ARHGAP5: variants seen among roughly 807,000 people sequenced by gnomAD.
The protein encoded by ARHGAP5 is rho GTPase-activating protein 5.
ARHGAP5 carries 23 observed loss-of-function variants against 116.6 expected under a neutral mutation model. The observed-to-expected ratio is 0.20, with a 90% CI of 0.14 to 0.28. The LOEUF (loss-of-function observed/expected upper bound fraction) is 0.28. Ranked by LOEUF, ARHGAP5 falls within the 10% of genes least tolerant of loss-of-function variation. The probability of loss-of-function intolerance (pLI) is 1.00; values close to 1 mark genes in which losing one functional copy is unlikely to be tolerated. For missense variants in ARHGAP5, 1,405 were observed against 1,774.8 expected, an observed-to-expected ratio of 0.79 and a Z score of 3.74; for synonymous variants, 574 against 602.0, an observed-to-expected ratio of 0.95 and a Z score of 0.68.
rs1347137094 is a variant in ARHGAP5, at chr14:32,092,269, C to A, written c.1600C>A (p.Leu534Ile). The A allele has an allele frequency of 3.7e-6, 6 of 1,613,460 alleles. No homozygotes were observed. In the African/African-American group the frequency reaches 6.7e-5, roughly 18 times the overall value. Residue 534 changes from leucine to isoleucine, a missense_variant, in exon 2 of 7, where the codon CTT becomes ATT. This residue lies in a region of ARHGAP5 where 944 missense variants were observed against 1,095.3 expected (regional missense o/e 0.86). Coordinates refer to ENST00000345122, the MANE Select transcript of ARHGAP5 (RefSeq NM_001030055.2). This position sits in a 1 kb window ranked among gnomAD's most constrained non-coding sequence, Gnocchi z 4.1. ...ACCTAGATATAAAGCTTTACAGAAA[C>A]TTGCACCTGATAGGGAATCCCTTCT... ...EEPRYKALQKLAPDRESLLLK... is the reference protein window; with the variant it reads ...EEPRYKALQKIAPDRESLLLK...
Position 32,091,532 on chromosome 14 carries a change from C to A in ARHGAP5, c.863C>A (p.Ala288Glu). Residue 288 changes from alanine to glutamate, a missense_variant, in exon 2 of 7, where the codon GCA (alanine) becomes GAA (glutamate). Physicochemically the swap from Ala to Glu is moderately radical, Grantham distance 107. Coordinates refer to ENST00000345122, the MANE Select transcript of ARHGAP5 (RefSeq NM_001030055.2). ...KLVQTVRDYH[A>E]TWKTVSNKLK... Reference sequence around the variant, plus strand: ...GTGCAGACTGTGAGAGATTATCATGCAACTTGGAAAACTGTTAGTAATAAA... The same window carrying A: ...GTGCAGACTGTGAGAGATTATCATGAAACTTGGAAAACTGTTAGTAATAAA... 2 of 1,612,678 alleles carry A rather than the reference C, an allele frequency of 1.2e-6. No individual in the cohort carries two copies. Among genetic ancestry groups the A allele is most frequent in the Non-Finnish European group, 1.7e-6 (2 of 1,179,406 alleles).
At chr14:32,148,730 A>G (rs562096872) in intron 4 of ARHGAP5, among the ~76,000 whole-genome samples, 4 of 152,354 alleles carry the variant, frequency 2.6e-5, no homozygotes, top group African/African-American at 9.6e-5. Flanking sequence ...CAATTTTTTT[A>G]ATGAGCAGAG....
In ARHGAP5 at chr14:32,082,340, A is replaced by G. The variant is rs75303566; in HGVS notation, c.-169+4905A>G. ...GTTTATGATGCTGAAATTTATGTTAATAATCCTGAACTTGCCTTGTTTCAT... is the reference window on the plus strand; with the variant it reads ...GTTTATGATGCTGAAATTTATGTTAGTAATCCTGAACTTGCCTTGTTTCAT... On this transcript the variant is annotated intron_variant, in intron 1 of 6. Transcript: ENST00000345122. Among the ~76,000 whole-genome samples the G allele has an allele frequency of 2.6e-5, 4 of 152,192 alleles. No individual in the cohort carries two copies. The East Asian group carries it at 7.7e-4, about 29-fold the overall frequency.
intron 4 of ARHGAP5, among the ~76,000 whole-genome samples, chr14:32,149,305 C>G (rs1022627089): frequency 6.6e-6 from 1 of 151,752 alleles, no homozygotes; most frequent in African/African-American, 2.4e-5. Context: ...TACGCACCAC[C>G]TCACCTGCCT....
intron 2 of ARHGAP5, among the ~76,000 whole-genome samples, chr14:32,100,969 C>T (rs894532060): frequency 6.6e-6 from 1 of 152,064 alleles, no homozygotes; most frequent in Admixed American, 6.5e-5. Flanking sequence ...TCTATTTTGT[C>T]TATTTTATTT....
At chr14:32,131,583 T>A (rs969025636) in intron 3 of ARHGAP5, among the ~76,000 whole-genome samples, 1 of 152,188 alleles carries the variant, frequency 6.6e-6, no homozygotes. Flanking sequence ...TTTTGTTTTT[T>A]GTTTTTTGTT....
Position 32,094,401 on chromosome 14 carries a change from A to G in ARHGAP5, c.3717+15A>G. On this transcript the variant is annotated intron_variant, in intron 2 of 6. Coordinates refer to ENST00000345122, the MANE Select transcript of ARHGAP5 (RefSeq NM_001030055.2). Reference sequence around the variant, plus strand: ...AAGATAAAAAGGTAAGGTTAACTTAAGGTCAGTGATGTTTATAAAAATGCT... The same window carrying G: ...AAGATAAAAAGGTAAGGTTAACTTAGGGTCAGTGATGTTTATAAAAATGCT... 1 of 1,528,388 alleles carries G rather than the reference A, an allele frequency of 6.5e-7. No homozygotes were observed. Among genetic ancestry groups the G allele is most frequent in the Non-Finnish European group, 8.8e-7 (1 of 1,139,194 alleles). 94.7% of individuals were successfully genotyped at this position (1,528,388 alleles called of 1,614,324 possible). A position where few individuals can be genotyped will look rare whatever the true frequency, so the allele number is the denominator to read the frequency against.
At chr14:32,098,034 T>A (rs1218114473) in intron 2 of ARHGAP5, among the ~76,000 whole-genome samples, 1 of 152,232 alleles carries the variant, frequency 6.6e-6, no homozygotes, top group African/African-American at 2.4e-5. Flanking sequence ...TCACTGTTCT[T>A]CATACTGAGC....
chr14:32,094,397 C>T lies in ARHGAP5; in HGVS notation c.3717+11C>T, dbSNP rs771666197. ...AAAGAAGATAAAAAGGTAAGGTTAACTTAAGGTCAGTGATGTTTATAAAAA... is the reference window on the plus strand; with the variant it reads ...AAAGAAGATAAAAAGGTAAGGTTAATTTAAGGTCAGTGATGTTTATAAAAA... On this transcript the variant is annotated intron_variant, in intron 2 of 6. Coordinates refer to ENST00000345122, the MANE Select transcript of ARHGAP5 (RefSeq NM_001030055.2). 1 of 1,541,468 alleles carries T rather than the reference C, an allele frequency of 6.5e-7. No homozygotes were observed. Among genetic ancestry groups the T allele is most frequent in the South Asian group, 1.3e-5 (1 of 78,430 alleles).
chr14:32,077,606 C>T (rs1441144007), intron 1 of ARHGAP5, among the ~76,000 whole-genome samples, 171 bp downstream of exon 1: 4 of 152,132 alleles, frequency 2.6e-5, no homozygotes, highest in Non-Finnish European at 5.9e-5. Flanking sequence ...TTTTCGCAGG[C>T]CGGGCGGGCA....
At chr14:32,138,980 C>G (rs1880956016) in intron 3 of ARHGAP5, among the ~76,000 whole-genome samples, 1 of 152,028 alleles carries the variant, frequency 6.6e-6, no homozygotes, top group African/African-American at 2.4e-5. Context: ...CCACCCCCTG[C>G]TGATTTATTC....
chr14:32,150,525 T>C (rs61546256), intron 5 of ARHGAP5, among the ~76,000 whole-genome samples: 6,712 of 152,168 alleles, frequency 0.044, 679 homozygotes, highest in East Asian at 0.44. Context: ...GCAAAGTCAT[T>C]CCATGACCGA....
intron 3 of ARHGAP5, among the ~76,000 whole-genome samples, chr14:32,141,798 T>G (rs544148768): frequency 1.3e-5 from 2 of 152,090 alleles, no homozygotes; most frequent in African/African-American, 4.8e-5. Flanking sequence ...GTTTGCAGGG[T>G]TTTTTTTCTC....
At chr14:32,151,491 G>A (rs185515688) in intron 5 of ARHGAP5, among the ~76,000 whole-genome samples, 3 of 152,346 alleles carry the variant, frequency 2.0e-5, no homozygotes, top group East Asian at 1.9e-4. Flanking sequence ...TCTATAGCCC[G>A]AGGGCCATAT....
intron 3 of ARHGAP5, among the ~76,000 whole-genome samples, chr14:32,141,850 C>T (rs1361682894): frequency 6.6e-6 from 1 of 152,122 alleles, no homozygotes; most frequent in African/African-American, 2.4e-5. Context: ...CTTCTAACCT[C>T]CATGGTTTCT....
intron 1 of ARHGAP5, among the ~76,000 whole-genome samples, chr14:32,081,985 T>TGAA (rs1479445090): frequency 6.6e-6 from 1 of 152,032 alleles, no homozygotes. Context: ...ATGAAACTGT[T>TGAA]CCCCCTCAGA....
rs1383753306 is a variant in ARHGAP5 at position 32,090,777 on chromosome 14, T to C, written c.108T>C (p.Cys36=). Reference sequence around the variant, plus strand: ...GTAACTGTGGAGTTGGAAAGTCTTGTTTGTGCAATAGATTTGTACGCTCAA... The same window carrying C: ...GTAACTGTGGAGTTGGAAAGTCTTGCTTGTGCAATAGATTTGTACGCTCAA... ...DKGNCGVGKS[C]LCNRFVRSKA... Residue 36 remains cysteine, a synonymous_variant, in exon 2 of 7, where the codon TGT becomes TGC. Coordinates refer to ENST00000345122, the MANE Select transcript of ARHGAP5 (RefSeq NM_001030055.2). 8 of 1,613,696 alleles carry C rather than the reference T, an allele frequency of 5.0e-6. No homozygotes were observed. The highest frequency in any genetic ancestry group is 6.8e-6 in the Non-Finnish European group (8 of 1,179,624).
At position 32,088,980 on chromosome 14, in the gene ARHGAP5, G is replaced by T. The variant is rs143000681; in HGVS notation, c.-168-1522G>T. 1.8e-3 allele frequency among the ~76,000 whole-genome samples: 279 copies of T among 152,002 alleles called. 1 individual carries two copies. The highest frequency in any genetic ancestry group is 6.5e-3 in the African/African-American group (268 of 41,538). On this transcript the variant is annotated intron_variant, in intron 1 of 6. Transcript: ENST00000345122. The stretch of plus-strand genomic sequence containing the variant: ...ATTTTGAAATTAGTTGTATTTACAC[G>T]TGGTTTCTACTTCCTTGTATTGCCA...
chr14:32,144,717 C>G (rs1416306590), intron 3 of ARHGAP5, among the ~76,000 whole-genome samples: 1 of 152,136 alleles, frequency 6.6e-6, no homozygotes, highest in East Asian at 1.9e-4. Flanking sequence ...CTCCTGACCT[C>G]AAGTGATCCA....
Sources: allele counts gnomAD v4.1 joint callset (sites outside exome capture counted in the v4.1 genomes callset), GRCh38; gene constraint gnomAD v4.1.1; regional missense constraint gnomAD v4.1.1; non-coding constraint Gnocchi (gnomAD v3.1); transcripts MANE v1.5; gene names NCBI Gene and HGNC (gene_info 2026-07-23, HGNC 2026-07-21).